The following BABAM2 variants were observed in gnomAD, a reference collection of about 807,000 sequenced individuals.
BABAM2 encodes the protein BRISC and BRCA1-A complex member 2.
In BABAM2, 31 loss-of-function variants were observed where a neutral mutation model predicts 54.7. The ratio of observed to expected loss-of-function variants is 0.57; its 90% CI spans 0.43 to 0.77. The LOEUF is 0.77. Ranked by LOEUF, BABAM2 falls within the 30% of genes least tolerant of loss-of-function variation. The probability of loss-of-function intolerance (pLI) is 0.00; values close to 1 mark genes in which losing one functional copy is unlikely to be tolerated. For missense variants in BABAM2, 364 were observed against 455.8 expected, an observed-to-expected ratio of 0.80 and a Z score of 1.83; for synonymous variants, 167 against 162.9, an observed-to-expected ratio of 1.03 and a Z score of -0.19.
chr2:28,257,266 A>G (rs568625245), intron 10 of BABAM2, among the ~76,000 whole-genome samples: 3 of 152,318 alleles, frequency 2.0e-5, no homozygotes, highest in Admixed American at 2.0e-4. Flanking sequence ...TGGCAACCAC[A>G]TACAGGCATA....
chr2:28,029,672 C>T (rs1676156568), intron 5 of BABAM2, among the ~76,000 whole-genome samples: 1 of 152,108 alleles, frequency 6.6e-6, no homozygotes, highest in Non-Finnish European at 1.5e-5. Flanking sequence ...AGGTGTGCAA[C>T]TATCTCTTTG....
At chr2:28,000,998 C>T (rs1343389329) in intron 4 of BABAM2, among the ~76,000 whole-genome samples, 3 of 152,086 alleles carry the variant, frequency 2.0e-5, no homozygotes, top group Admixed American at 2.0e-4. Flanking sequence ...TCCAAGGAAC[C>T]CTTGTCCTTT....
chr2:28,239,926 T>C (rs1682257945), intron 8 of BABAM2, among the ~76,000 whole-genome samples: 1 of 152,148 alleles, frequency 6.6e-6, no homozygotes, highest in African/African-American at 2.4e-5. Context: ...TGTTGTCACC[T>C]TAGCCAAGTG....
Position 28,338,465 on chromosome 2 carries a change from C to G in BABAM2, c.1104C>G (p.Thr368=). The change falls in exon 12 of 12, where the codon ACC becomes ACG. Residue 368 remains threonine, a synonymous_variant. Coordinates refer to ENST00000379624, the MANE Select transcript of BABAM2 (RefSeq NM_199191.3). ...TTCCCACCAGGGCTTATTTCAAAAC[C>G]TTTGTCCCTCAGTTCCAGGAGGCAG... The part of the protein sequence containing the change: ...MAKRAKAYFK[T]FVPQFQEAAF... The G allele has an allele frequency of 6.2e-7, 1 of 1,614,130 alleles. No homozygotes were observed. The highest frequency in any genetic ancestry group is 1.1e-5 in the South Asian group (1 of 91,066).
intron 4 of BABAM2, among the ~76,000 whole-genome samples, chr2:28,019,925 T>A (rs1675130106): frequency 6.6e-6 from 1 of 152,166 alleles, no homozygotes. Flanking sequence ...AGTCGGGTAA[T>A]GTGATGCCTC....
intron 4 of BABAM2, chr2:28,016,121 C>T (rs539050929): frequency 1.0e-5 from 12 of 1,159,270 alleles, no homozygotes; most frequent in East Asian, 5.5e-5. Flanking sequence ...TTACCCTTAT[C>T]TTCAGAATCA....
intron 3 of BABAM2, among the ~76,000 whole-genome samples, chr2:27,965,896 C>T (rs890578522): frequency 2.0e-5 from 3 of 150,704 alleles, no homozygotes; most frequent in African/African-American, 7.3e-5. Flanking sequence ...ATTTCTTTGC[C>T]TTCTCTTCAT....
At chr2:28,296,329 T>C (rs963258403) in intron 10 of BABAM2, among the ~76,000 whole-genome samples, 4 of 152,218 alleles carry the variant, frequency 2.6e-5, no homozygotes, top group African/African-American at 9.6e-5. Context: ...AACTCTCTGC[T>C]TTGGCACCAA....
rs980862941 is a variant in BABAM2, at chr2:28,322,983, G to C, written c.1089-15467G>C. Among the ~76,000 whole-genome samples the C allele has an allele frequency of 6.6e-6, 1 of 152,206 alleles. No homozygotes were observed. Among genetic ancestry groups the C allele is most frequent in the South Asian group, 2.1e-4 (1 of 4,828 alleles). On this transcript the variant is annotated intron_variant, in intron 11 of 11. Transcript: ENST00000379624. This position sits in a 1 kb window ranked among gnomAD's most constrained non-coding sequence, Gnocchi z 4.1. Reference sequence around the variant, plus strand: ...AAAGCCAGCCCAAGGCAGGAATTTTGCTCCTGCTCTTCCAAAGCAATAGCA... The same window carrying C: ...AAAGCCAGCCCAAGGCAGGAATTTTCCTCCTGCTCTTCCAAAGCAATAGCA...
chr2:28,125,451 G>A (rs886357714), intron 6 of BABAM2, among the ~76,000 whole-genome samples: 3 of 151,828 alleles, frequency 2.0e-5, no homozygotes, highest in Non-Finnish European at 4.4e-5. Context: ...GTGCCACCAC[G>A]CCTGGCTAAT....
At chr2:28,072,946 G>T (rs1664303451) in intron 6 of BABAM2, among the ~76,000 whole-genome samples, 2 of 152,120 alleles carry the variant, frequency 1.3e-5, no homozygotes, top group African/African-American at 4.8e-5. Context: ...TCCCAAACTG[G>T]ATTATTTTGA....
At chr2:27,940,152 C>A (rs1260053803) in intron 3 of BABAM2, among the ~76,000 whole-genome samples, 1 of 152,122 alleles carries the variant, frequency 6.6e-6, no homozygotes, top group Non-Finnish European at 1.5e-5. Context: ...CTTCAGTGAT[C>A]AAGATTGATT....
intron 7 of BABAM2, among the ~76,000 whole-genome samples, chr2:28,229,430 C>T (rs1301724704): frequency 6.6e-6 from 1 of 152,084 alleles, no homozygotes. Context: ...TGCATTAGTG[C>T]TTAGTAAATG....
intron 3 of BABAM2, among the ~76,000 whole-genome samples, chr2:27,976,506 C>G (rs1161774837): frequency 3.9e-5 from 6 of 151,966 alleles, no homozygotes; most frequent in African/African-American, 1.4e-4. Flanking sequence ...TGGAAAAATG[C>G]AAAACTGAAG....
rs1553349503 is a variant in BABAM2, at chr2:28,248,207, C to CTTTTTCTTTTTTTTTTTTTTTTTTTT, written c.934+3350_934+3351insCTTTTTTTTTTTTTTTTTTTTTTTTT. Among the ~76,000 whole-genome samples the CTTTTTCTTTTTTTTTTTTTTTTTTTT allele has an allele frequency of 1.1e-3, 59 of 54,296 alleles. 6 individuals are homozygous for CTTTTTCTTTTTTTTTTTTTTTTTTTT. The highest frequency in any genetic ancestry group is 1.4e-3 in the South Asian group (3 of 2,186). 35.6% of individuals were successfully genotyped at this position (54,296 alleles called of 152,430 possible). A position where few individuals can be genotyped will look rare whatever the true frequency, so the allele number is the denominator to read the frequency against. Reference sequence around the variant, plus strand: ...AGTAGCTTTTGTTTATTTTCTTTTTCTTTTTTTTTTTTTTTTTTTGAGACG... The same window carrying CTTTTTCTTTTTTTTTTTTTTTTTTTT: ...AGTAGCTTTTGTTTATTTTCTTTTTCTTTTTCTTTTTTTTTTTTTTTTTTTTTTTTTTTTTTTTTTTTTTTGAGACG... On this transcript the variant is annotated intron_variant, in intron 10 of 11. Coordinates refer to ENST00000379624, the MANE Select transcript of BABAM2 (RefSeq NM_199191.3).
chr2:28,301,908 A>G (rs1018568111), intron 11 of BABAM2, among the ~76,000 whole-genome samples: 5 of 152,184 alleles, frequency 3.3e-5, no homozygotes, highest in African/African-American at 1.2e-4. Context: ...TGGAGTGGAC[A>G]GGTTTTAAGT....
At chr2:28,168,234 G>C (rs1673924506) in intron 7 of BABAM2, among the ~76,000 whole-genome samples, 1 of 152,204 alleles carries the variant, frequency 6.6e-6, no homozygotes, top group African/African-American at 2.4e-5. Flanking sequence ...AGAACTGCCT[G>C]TGTCGAATGC....
At chr2:28,270,878 C>G (rs563531683) in intron 10 of BABAM2, among the ~76,000 whole-genome samples, 4 of 152,362 alleles carry the variant, frequency 2.6e-5, no homozygotes, top group African/African-American at 9.6e-5. Flanking sequence ...GCAGCTCTTT[C>G]TCTTCTGCCT....
intron 7 of BABAM2, among the ~76,000 whole-genome samples, chr2:28,199,569 A>C (rs982273251): frequency 4.6e-5 from 7 of 152,214 alleles, no homozygotes; most frequent in Admixed American, 1.3e-4. Context: ...ATATGATTGA[A>C]ACTAGGTATT....
Sources: allele counts gnomAD v4.1 joint callset (sites outside exome capture counted in the v4.1 genomes callset), GRCh38; gene constraint gnomAD v4.1.1; non-coding constraint Gnocchi (gnomAD v3.1); transcripts MANE v1.5; gene names NCBI Gene and HGNC (gene_info 2026-07-23, HGNC 2026-07-21).